MITF: variants seen among roughly 807,000 people sequenced by gnomAD.
MITF encodes the protein microphthalmia-associated transcription factor.
In MITF, 17 loss-of-function variants were observed where a neutral mutation model predicts 60.5. The observed-to-expected ratio is 0.28, with a 90% confidence interval of 0.19 to 0.42. The LOEUF is 0.42. Among genes scored for constraint, MITF ranks in the 10% least tolerant of loss-of-function variants. The pLI is 1.00. For missense variants in MITF, 622 were observed against 683.5 expected, an observed-to-expected ratio of 0.91 and a Z score of 1.00; for synonymous variants, 260 against 248.5, an observed-to-expected ratio of 1.05 and a Z score of -0.43.
intron 2 of MITF, among the ~76,000 whole-genome samples, chr3:69,929,310 G>C (rs2065663281): frequency 1.3e-5 from 2 of 152,208 alleles, no homozygotes; most frequent in Admixed American, 6.5e-5. Context: ...AGGAGCACTG[G>C]TAGCATGTGG....
intron 2 of MITF, among the ~76,000 whole-genome samples, chr3:69,916,701 A>T (rs554782635): frequency 1.3e-5 from 2 of 152,336 alleles, no homozygotes; most frequent in East Asian, 3.9e-4. Flanking sequence ...ACATCATAAT[A>T]AACTTATGAC....
chr3:69,741,347 A>G (rs916991849), intron 1 of MITF, among the ~76,000 whole-genome samples: 6 of 152,104 alleles, frequency 3.9e-5, no homozygotes, highest in African/African-American at 1.2e-4. Context: ...TGAGGGAATG[A>G]GTGTGTGTGT....
intron 1 of MITF, among the ~76,000 whole-genome samples, 185 bp downstream of exon 1, chr3:69,739,886 A>C (rs1374104851): frequency 6.6e-6 from 1 of 152,000 alleles, no homozygotes; most frequent in Admixed American, 6.5e-5. Context: ...GTGCGCCTTT[A>C]GGAAGCTCGG....
At chr3:69,948,099 A>G (rs1296693464) in intron 5 of MITF, among the ~76,000 whole-genome samples, 1 of 152,218 alleles carries the variant, frequency 6.6e-6, no homozygotes, top group South Asian at 2.1e-4. Flanking sequence ...AGTCTTACCC[A>G]GTAATCATGG....
At chr3:69,932,189 A>C (rs2065739340) in intron 2 of MITF, among the ~76,000 whole-genome samples, 1 of 152,192 alleles carries the variant, frequency 6.6e-6, no homozygotes, top group Non-Finnish European at 1.5e-5. Context: ...AAAAAGCCAC[A>C]ATGTAGATAA....
intron 1 of MITF, among the ~76,000 whole-genome samples, chr3:69,809,003 T>C (rs2063057584): frequency 6.6e-6 from 1 of 152,028 alleles, no homozygotes; most frequent in South Asian, 2.1e-4. Context: ...ATGATGACTT[T>C]AGAGTAGTAA....
intron 1 of MITF, among the ~76,000 whole-genome samples, chr3:69,814,742 C>T (rs796466750): frequency 3.9e-5 from 6 of 152,104 alleles, no homozygotes; most frequent in South Asian, 2.1e-4. Flanking sequence ...TAATCTACTG[C>T]GGCATGTAAA....
At chr3:69,882,290 G>A (rs1267669225) in intron 2 of MITF, among the ~76,000 whole-genome samples, 1 of 152,012 alleles carries the variant, frequency 6.6e-6, no homozygotes, top group Non-Finnish European at 1.5e-5. Context: ...ATGAATCTTT[G>A]TAAGATTAGC....
intron 1 of MITF, among the ~76,000 whole-genome samples, chr3:69,847,453 CATTT>C (rs1477718263): frequency 6.6e-6 from 1 of 152,132 alleles, no homozygotes; most frequent in Non-Finnish European, 1.5e-5. Flanking sequence ...TTGCATAACT[CATTT>C]AGTTATTATC....
At chr3:69,821,915 G>A (rs1365897092) in intron 1 of MITF, among the ~76,000 whole-genome samples, 2 of 152,056 alleles carry the variant, frequency 1.3e-5, no homozygotes, top group Non-Finnish European at 2.9e-5. Flanking sequence ...GCTAATTTCT[G>A]TATTTTTAGT....
intron 1 of MITF, among the ~76,000 whole-genome samples, chr3:69,843,672 C>A (rs1049251959): frequency 6.6e-6 from 1 of 152,090 alleles, no homozygotes; most frequent in Admixed American, 6.6e-5. Flanking sequence ...TATAGTTAGT[C>A]ATGTAACTGA....
chr3:69,879,833 T>C (rs1459954825), intron 2 of MITF, among the ~76,000 whole-genome samples: 1 of 152,206 alleles, frequency 6.6e-6, no homozygotes, highest in Non-Finnish European at 1.5e-5. Flanking sequence ...CATATAAGAT[T>C]GAAGAAGAGC....
chr3:69,929,510 T>G (rs2065668906), intron 2 of MITF, among the ~76,000 whole-genome samples: 1 of 152,072 alleles, frequency 6.6e-6, no homozygotes, highest in African/African-American at 2.4e-5. Flanking sequence ...TTAGCTCTGG[T>G]TTGGGGCCCT....
chr3:69,845,272 T>C lies in MITF; in HGVS notation c.105-33862T>C, dbSNP rs149299411. Among the ~76,000 whole-genome samples the C allele has an allele frequency of 2.2e-3, 329 of 152,138 alleles. 1 individual carries two copies. Among genetic ancestry groups the C allele is most frequent in the African/African-American group, 7.5e-3 (310 of 41,574 alleles). ...GTATTAAATATATAAATATTAAAAT[T>C]AGGAGAATGACTTCTTTCTCCCAGA... On this transcript the variant is annotated intron_variant, in intron 1 of 9. Transcript: ENST00000352241.
At chr3:69,754,680 G>A (rs1172947366) in intron 1 of MITF, among the ~76,000 whole-genome samples, 1 of 150,106 alleles carries the variant, frequency 6.7e-6, no homozygotes, top group East Asian at 2.0e-4. Context: ...TTTTGTAGCA[G>A]TGTGAGAATG....
intron 1 of MITF, among the ~76,000 whole-genome samples, chr3:69,873,969 T>C (rs915679420): frequency 6.6e-6 from 1 of 152,188 alleles, no homozygotes; most frequent in African/African-American, 2.4e-5. Flanking sequence ...TTTTCTCAGC[T>C]AGCCTTTTGC....
chr3:69,766,758 G>T (rs1348396539), intron 1 of MITF, among the ~76,000 whole-genome samples: 1 of 152,078 alleles, frequency 6.6e-6, no homozygotes, highest in Non-Finnish European at 1.5e-5. Flanking sequence ...TCCTTCTGCT[G>T]CAGTACGGTA....
intron 1 of MITF, among the ~76,000 whole-genome samples, chr3:69,758,035 G>GTA (rs1487051989): frequency 7.6e-6 from 1 of 130,860 alleles, no homozygotes; most frequent in Middle Eastern, 3.8e-3. Context: ...GTGTGTGTGT[G>GTA]TGTGTGTCTA....
chr3:69,910,598 A>T (rs923118354), intron 2 of MITF, among the ~76,000 whole-genome samples: 2 of 152,172 alleles, frequency 1.3e-5, no homozygotes, highest in Non-Finnish European at 2.9e-5. Context: ...GACCATAGGA[A>T]CCCACCTTTT....
Sources: gnomAD v4.1 joint callset for allele counts (sites outside exome capture counted in the v4.1 genomes callset) on GRCh38, gnomAD v4.1.1 for gene constraint, MANE v1.5 for transcripts, NCBI Gene and HGNC (gene_info 2026-07-23, HGNC 2026-07-21) for gene names.